Variants in TTC28 observed in about 807,000 individuals in gnomAD.
The protein encoded by TTC28 is tetratricopeptide repeat domain 28, also known as tetratricopeptide repeat protein 28.
A neutral mutation model predicts 198.0 loss-of-function variants in TTC28; 61 were observed. That is an observed-to-expected ratio of 0.31 (90% CI 0.25 to 0.38). TTC28 has a LOEUF of 0.38. Ranked by LOEUF, TTC28 falls within the 10% of genes least tolerant of loss-of-function variation. The pLI is 1.00. For synonymous variants in TTC28, 1,171 were observed against 1,297.8 expected (o/e 0.90, Z 2.10); for missense variants, 2,678 against 3,164.0 (o/e 0.85, Z 3.69).
At chr22:28,022,617 A>T (rs1046676812) in intron 13 of TTC28, among the ~76,000 whole-genome samples, 1 of 152,154 alleles carries the variant, frequency 6.6e-6, no homozygotes, top group African/African-American at 2.4e-5. Flanking sequence ...CTCTGCTGGG[A>T]TCGAGCTACC....
chr22:28,459,463 G>A (rs934736126), intron 2 of TTC28, among the ~76,000 whole-genome samples: 1 of 151,916 alleles, frequency 6.6e-6, no homozygotes, highest in Non-Finnish European at 1.5e-5. Flanking sequence ...AGAAAAAGAA[G>A]GCCTGAGGAA....
rs140811300 is a variant in TTC28 at position 28,255,552 on chromosome 22, G to A, written c.933+40646C>T. Among the ~76,000 whole-genome samples the A allele has an allele frequency of 8.8e-3, 1,337 of 152,070 alleles. 17 individuals are homozygous for A. Among genetic ancestry groups the A allele is most frequent in the African/African-American group, 0.03 (1,256 of 41,460 alleles). ...CAAAATTAGCCAGGCGAGGTGGCAC[G>A]TGCCTGTAATCCCAGCTACTCAGGA... On this transcript the variant is annotated intron_variant, in intron 5 of 22. Transcript: ENST00000397906.
intron 6 of TTC28, among the ~76,000 whole-genome samples, chr22:28,150,270 T>A (rs1007243531): frequency 6.6e-6 from 1 of 152,166 alleles, no homozygotes; most frequent in African/African-American, 2.4e-5. Flanking sequence ...CTTTTTATCA[T>A]CAAAGACATT....
intron 5 of TTC28, among the ~76,000 whole-genome samples, chr22:28,274,962 G>C (rs562565896): frequency 8.0e-6 from 1 of 124,712 alleles, no homozygotes; most frequent in South Asian, 3.0e-4. Flanking sequence ...CTGGGCAACA[G>C]AGTGAGACTG....
chr22:28,391,533 G>A (rs1360946653), intron 2 of TTC28, among the ~76,000 whole-genome samples: 1 of 152,160 alleles, frequency 6.6e-6, no homozygotes, highest in Non-Finnish European at 1.5e-5. Context: ...TGGAGGTTTT[G>A]CTCGTTTCTT....
chr22:28,541,280 G>T (rs1405130951), intron 2 of TTC28, among the ~76,000 whole-genome samples: 1 of 152,196 alleles, frequency 6.6e-6, no homozygotes, highest in Non-Finnish European at 1.5e-5. Flanking sequence ...CCCCATGATT[G>T]CCCTGGCTTC....
chr22:28,624,123 T>C (rs2051041269), intron 2 of TTC28, among the ~76,000 whole-genome samples: 3 of 152,130 alleles, frequency 2.0e-5, no homozygotes, highest in Non-Finnish European at 2.9e-5. Flanking sequence ...ATGAATAGAA[T>C]TGATAAATCT....
chr22:28,391,811 T>TC (rs1277634737), intron 2 of TTC28, among the ~76,000 whole-genome samples: 2 of 152,198 alleles, frequency 1.3e-5, no homozygotes, highest in Non-Finnish European at 2.9e-5. Flanking sequence ...CTCGGAGTAA[T>TC]TTGATCGTCT....
intron 2 of TTC28, among the ~76,000 whole-genome samples, chr22:28,348,044 C>T (rs529330610): frequency 6.6e-6 from 1 of 152,336 alleles, no homozygotes; most frequent in East Asian, 1.9e-4. Flanking sequence ...AAGGAAAGAG[C>T]CTGGCACATG....
chr22:28,599,720 T>A (rs911666489), intron 2 of TTC28, among the ~76,000 whole-genome samples: 2 of 152,182 alleles, frequency 1.3e-5, no homozygotes, highest in Non-Finnish European at 1.5e-5. Context: ...AGGCTCTAGA[T>A]TGAGACTTTA....
At chr22:28,307,346 T>C (rs906726406) in intron 2 of TTC28, among the ~76,000 whole-genome samples, 3 of 152,202 alleles carry the variant, frequency 2.0e-5, no homozygotes, top group Non-Finnish European at 4.4e-5. Flanking sequence ...ATTAGTAAGA[T>C]ATTTAAATAT....
intron 13 of TTC28, among the ~76,000 whole-genome samples, chr22:28,026,997 G>A (rs1938860535): frequency 6.6e-6 from 1 of 152,198 alleles, no homozygotes; most frequent in Non-Finnish European, 1.5e-5. Context: ...CCAGGATGCA[G>A]TCAAAAGCCT....
intron 12 of TTC28, among the ~76,000 whole-genome samples, chr22:28,036,651 C>A (rs1939364441): frequency 6.6e-6 from 1 of 152,010 alleles, no homozygotes; most frequent in Admixed American, 6.6e-5. Flanking sequence ...TAGCAGAAGG[C>A]AAGAAGTAAC....
Position 27,993,463 on chromosome 22 carries a change from G to T in TTC28, c.5300C>A (p.Ser1767Tyr), listed in dbSNP as rs1937487791. ...CACTTTGTTCTCCACACTCTGCTGG[G>T]ATGTGTACATGGCATTGCGCTGCCC... Reference protein sequence around the residue: ...QNGQRNAMYTSQQSVENKVGG... With the variant: ...QNGQRNAMYTYQQSVENKVGG... Residue 1767 changes from serine (S) to tyrosine (Y), a missense_variant, in exon 18 of 23, where the codon TCC (serine) becomes TAC (tyrosine). By Grantham distance (144) the Ser-to-Tyr change is moderately radical. Coordinates refer to ENST00000397906, the MANE Select transcript of TTC28 (RefSeq NM_001145418.2). The T allele has an allele frequency of 5.8e-6, 9 of 1,551,672 alleles. No homozygotes were observed. Among genetic ancestry groups the T allele is most frequent in the Non-Finnish European group, 7.0e-6 (8 of 1,147,000 alleles).
intron 13 of TTC28, among the ~76,000 whole-genome samples, chr22:28,024,170 A>G (rs1397743796): frequency 6.6e-6 from 1 of 152,168 alleles, no homozygotes; most frequent in East Asian, 1.9e-4. Flanking sequence ...GGGCATGGAC[A>G]CAGGTGACAA....
chr22:28,563,228 C>G (rs527512536), intron 2 of TTC28, among the ~76,000 whole-genome samples: 1 of 152,112 alleles, frequency 6.6e-6, no homozygotes, highest in Non-Finnish European at 1.5e-5. Context: ...AATGACCTTA[C>G]ATTGAAAATG....
chr22:28,654,007 G>A (rs766640680), intron 1 of TTC28, among the ~76,000 whole-genome samples: 3 of 152,046 alleles, frequency 2.0e-5, no homozygotes, highest in Non-Finnish European at 2.9e-5. Context: ...CTGAACTTCC[G>A]TTCTTACAAC....
chr22:28,391,547 A>T (rs541728825), intron 2 of TTC28, among the ~76,000 whole-genome samples: 3,316 of 152,164 alleles, frequency 0.022, 57 homozygotes, highest in Middle Eastern at 0.037. Flanking sequence ...GTTTCTTTTT[A>T]TTCTTTTTTC....
intron 2 of TTC28, among the ~76,000 whole-genome samples, chr22:28,572,450 T>TA (rs1212577646): frequency 1.3e-5 from 2 of 152,170 alleles, no homozygotes; most frequent in Non-Finnish European, 2.9e-5. Context: ...TTGAATTCTA[T>TA]AAAGGATTGA....
Sources: allele counts gnomAD v4.1 joint callset (sites outside exome capture counted in the v4.1 genomes callset), GRCh38; gene constraint gnomAD v4.1.1; transcripts MANE v1.5; gene names NCBI Gene and HGNC (gene_info 2026-07-23, HGNC 2026-07-21).